The following FCHSD2 variants were observed in gnomAD, a reference collection of about 807,000 sequenced individuals.
FCHSD2 encodes F-BAR and double SH3 domains protein 2.
In FCHSD2, 38 loss-of-function variants were observed where a neutral mutation model predicts 108.1. The observed-to-expected ratio is 0.35, with a 90% CI of 0.27 to 0.46. The LOEUF is 0.46. FCHSD2 is among the 20% of genes least tolerant of loss of function. The pLI, the probability that FCHSD2 is intolerant of heterozygous loss-of-function variation, is 1.00. For missense variants in FCHSD2, 751 were observed against 897.8 expected, an observed-to-expected ratio of 0.84 and a Z score of 2.09; for synonymous variants, 279 against 314.7, an observed-to-expected ratio of 0.89 and a Z score of 1.20.
At chr11:72,943,928 T>C (rs922243114) in intron 8 of FCHSD2, among the ~76,000 whole-genome samples, 2 of 152,202 alleles carry the variant, frequency 1.3e-5, no homozygotes, top group African/African-American at 4.8e-5. Flanking sequence ...CTTTAATCAT[T>C]ATTCATTGTG....
chr11:72,879,979 A>G (rs1220428295), intron 12 of FCHSD2, among the ~76,000 whole-genome samples: 1 of 148,906 alleles, frequency 6.7e-6, no homozygotes, highest in Non-Finnish European at 1.5e-5. Context: ...AGCCTGGGCA[A>G]CAAGAGTGAA....
chr11:72,915,539 A>G (rs1855855122), intron 9 of FCHSD2, among the ~76,000 whole-genome samples: 1 of 152,120 alleles, frequency 6.6e-6, no homozygotes, highest in South Asian at 2.1e-4. Flanking sequence ...AATGTGGTAC[A>G]TGGTCGGGCG....
chr11:72,843,073 C>A, intron 16 of FCHSD2, 78 bp downstream of exon 16: 1 of 1,391,464 alleles, frequency 7.2e-7, no homozygotes, highest in South Asian at 1.2e-5. Context: ...GCTTTTTATC[C>A]TACTGAAGGC....
chr11:72,905,689 T>C (rs1320067454), intron 9 of FCHSD2, among the ~76,000 whole-genome samples: 1 of 151,770 alleles, frequency 6.6e-6, no homozygotes, highest in African/African-American at 2.4e-5. Flanking sequence ...ACATGCAGTG[T>C]TTGGTTTTCT....
chr11:72,943,510 A>T (rs962055106), intron 8 of FCHSD2, among the ~76,000 whole-genome samples: 7 of 152,186 alleles, frequency 4.6e-5, no homozygotes, highest in African/African-American at 1.7e-4. Flanking sequence ...ACTTCATATT[A>T]CCTTGGTTAT....
At chr11:72,908,892 G>A (rs182553797) in intron 9 of FCHSD2, among the ~76,000 whole-genome samples, 32 of 152,196 alleles carry the variant, frequency 2.1e-4, no homozygotes, top group African/African-American at 6.5e-4. Flanking sequence ...GGGCTCAAGC[G>A]ATCTGCCCAC....
chr11:72,985,403 T>C (rs981486606), intron 6 of FCHSD2, among the ~76,000 whole-genome samples: 1 of 148,824 alleles, frequency 6.7e-6, no homozygotes, highest in Non-Finnish European at 1.5e-5. Flanking sequence ...TCAAAATATA[T>C]TGGTGTCTCC....
At chr11:72,932,861 T>C (rs896220282) in intron 8 of FCHSD2, among the ~76,000 whole-genome samples, 5 of 152,292 alleles carry the variant, frequency 3.3e-5, no homozygotes, top group Non-Finnish European at 7.4e-5. Context: ...CAACAAATAA[T>C]AACACCAATC....
chr11:72,861,646 T>C (rs1181814058), intron 13 of FCHSD2, among the ~76,000 whole-genome samples: 1 of 152,122 alleles, frequency 6.6e-6, no homozygotes, highest in African/African-American at 2.4e-5. Flanking sequence ...ATAGAAAGGA[T>C]AGGCCGGGCG....
chr11:73,031,405 G>GGTGGAGGCTGCATTGAGTT (rs1361109611), intron 3 of FCHSD2, among the ~76,000 whole-genome samples: 1 of 151,936 alleles, frequency 6.6e-6, no homozygotes, highest in Non-Finnish European at 1.5e-5. Flanking sequence ...GAGGGCGGGA[G>GGTGGAGGCTGCATTGAGTT]GTGGAGGCTG....
chr11:72,885,048 A>T (rs1362406388), intron 12 of FCHSD2, among the ~76,000 whole-genome samples: 1 of 152,228 alleles, frequency 6.6e-6, no homozygotes, highest in Non-Finnish European at 1.5e-5. Flanking sequence ...AATGATATAC[A>T]GGCAGAAGAA....
chr11:72,973,992 T>A (rs1328659434), intron 8 of FCHSD2, among the ~76,000 whole-genome samples: 3 of 146,412 alleles, frequency 2.0e-5, no homozygotes, highest in African/African-American at 7.6e-5. Context: ...GAAGGAGCAA[T>A]TAATTGTGAA....
intron 8 of FCHSD2, among the ~76,000 whole-genome samples, chr11:72,962,881 T>A (rs7938980): frequency 1.3e-5 from 2 of 152,038 alleles, no homozygotes; most frequent in Non-Finnish European, 2.9e-5. Context: ...CAGGCATCAG[T>A]GGAAGTGACT....
intron 8 of FCHSD2, among the ~76,000 whole-genome samples, chr11:72,935,181 C>G (rs1856276188): frequency 1.3e-5 from 2 of 152,076 alleles, no homozygotes; most frequent in South Asian, 2.1e-4. Flanking sequence ...CATTTACTTA[C>G]AGGAAAGTGT....
intron 12 of FCHSD2, 77 bp from the exon 13 acceptor site, chr11:72,868,103 G>A (rs1854769986): frequency 2.2e-6 from 3 of 1,335,596 alleles, no homozygotes; most frequent in Non-Finnish European, 3.1e-6. Context: ...CAACCCAAAT[G>A]CCCATCAATG....
intron 12 of FCHSD2, among the ~76,000 whole-genome samples, chr11:72,881,515 G>A (rs966176260): frequency 1.3e-5 from 2 of 152,174 alleles, no homozygotes; most frequent in African/African-American, 4.8e-5. Context: ...ACTACTATAT[G>A]ATCCAGCAAT....
chr11:73,048,642 C>G (rs148383061), intron 3 of FCHSD2, among the ~76,000 whole-genome samples: 1 of 152,070 alleles, frequency 6.6e-6, no homozygotes, highest in Non-Finnish European at 1.5e-5. Flanking sequence ...GCCGGAAGTA[C>G]GAAAAAGCTG....
At chr11:72,997,437 C>A (rs768035458) in intron 5 of FCHSD2, among the ~76,000 whole-genome samples, 1 of 152,116 alleles carries the variant, frequency 6.6e-6, no homozygotes, top group Admixed American at 6.6e-5. Context: ...AGAGCCTCTA[C>A]AGTTTTTATC....
chr11:73,097,025 A>G (rs1441179895), intron 2 of FCHSD2, among the ~76,000 whole-genome samples: 1 of 15,658 alleles, frequency 6.4e-5, no homozygotes, highest in Non-Finnish European at 9.0e-5. Context: ...TTGATGAGAC[A>G]GGGTCTCACT....
Sources: allele counts gnomAD v4.1 joint callset (sites outside exome capture counted in the v4.1 genomes callset), GRCh38; gene constraint gnomAD v4.1.1; transcripts MANE v1.5; gene names NCBI Gene and HGNC (gene_info 2026-07-23, HGNC 2026-07-21).